PURG: variants seen among roughly 807,000 people sequenced by gnomAD.
PURG encodes purine-rich element-binding protein gamma.
Under a neutral mutation model 24.3 loss-of-function variants are expected in PURG, and 3 were observed. The ratio of observed to expected loss-of-function variants is 0.12; its 90% confidence interval spans 0.06 to 0.32. The LOEUF (loss-of-function observed/expected upper bound fraction) is 0.32. PURG is among the 10% of genes least tolerant of loss of function. PURG has a pLI of 1.00. For synonymous variants in PURG, 180 were observed against 173.1 expected (o/e 1.04, Z -0.31); for missense variants, 371 against 439.1 (o/e 0.84, Z 1.39).
chr8:31,001,266 G>A (rs1040668310), intron 1 of PURG, among the ~76,000 whole-genome samples: 2 of 152,062 alleles, frequency 1.3e-5, no homozygotes, highest in African/African-American at 4.8e-5. Context: ...GTCCTATATC[G>A]TTGACATAAA....
chr8:30,999,582 T>C (rs1050409040), intron 1 of PURG, among the ~76,000 whole-genome samples: 1 of 151,974 alleles, frequency 6.6e-6, no homozygotes, highest in Non-Finnish European at 1.5e-5. Flanking sequence ...GAATAATTAC[T>C]GGGAATTAGA....
At chr8:31,003,121 C>G (rs751700929) in intron 1 of PURG, among the ~76,000 whole-genome samples, 15 of 151,982 alleles carry the variant, frequency 9.9e-5, no homozygotes, top group Non-Finnish European at 1.9e-4. Context: ...AGGCCAAATT[C>G]TACACTAAAG....
At chr8:31,011,625 A>G (rs1337469908) in intron 1 of PURG, among the ~76,000 whole-genome samples, 1 of 152,226 alleles carries the variant, frequency 6.6e-6, no homozygotes, top group Non-Finnish European at 1.5e-5. Flanking sequence ...CAAACTGTCT[A>G]GCACATGGCA....
At chr8:31,009,132 CAG>C in intron 1 of PURG, among the ~76,000 whole-genome samples, 1 of 152,170 alleles carries the variant, frequency 6.6e-6, no homozygotes, top group South Asian at 2.1e-4. Context: ...AATACAGAAA[CAG>C]AATAATTCGG....
chr8:31,033,090 A>G lies in PURG; in HGVS notation c.-19T>C. ...GGCGGGCACTCACATCATCTCTGCC[A>G]TCACCGCCGCCGCCGATGCCCTTCA... On this transcript the variant is annotated 5_prime_UTR_variant, in exon 1 of 2. The change abolishes an upstream ATG in the 5' untranslated region. Coordinates refer to ENST00000523392, the MANE Select transcript of PURG (RefSeq NM_001323311.2). The G allele has an allele frequency of 4.8e-6, 1 of 207,994 alleles. No homozygotes were observed. Among genetic ancestry groups the G allele is most frequent in the Non-Finnish European group, 9.3e-6 (1 of 107,484 alleles). 12.9% of individuals were successfully genotyped at this position (207,994 alleles called of 1,614,324 possible).
At chr8:31,004,773 T>C (rs1242255497) in intron 1 of PURG, among the ~76,000 whole-genome samples, 1 of 152,244 alleles carries the variant, frequency 6.6e-6, no homozygotes, top group African/African-American at 2.4e-5. Context: ...CAGTCATAGG[T>C]TTACGGCTAT....
chr8:30,999,705 T>C (rs1040490212), intron 1 of PURG, among the ~76,000 whole-genome samples: 2 of 152,022 alleles, frequency 1.3e-5, no homozygotes, highest in African/African-American at 4.8e-5. Flanking sequence ...TGTAAATATA[T>C]ATACAGTTTT....
chr8:30,996,985 C>T (rs1467961905), intron 1 of PURG, among the ~76,000 whole-genome samples: 2 of 151,822 alleles, frequency 1.3e-5, no homozygotes, highest in Middle Eastern at 3.4e-3. Flanking sequence ...TACCTTGAAG[C>T]ATCTATGCAG....
intron 1 of PURG, among the ~76,000 whole-genome samples, chr8:31,007,481 G>C (rs1400721157): frequency 6.6e-6 from 1 of 152,106 alleles, no homozygotes; most frequent in African/African-American, 2.4e-5. Flanking sequence ...AACTCTTCGA[G>C]TTGAAGGATA....
intron 1 of PURG, among the ~76,000 whole-genome samples, chr8:31,003,181 A>C (rs1563303277): frequency 6.6e-6 from 1 of 152,228 alleles, no homozygotes; most frequent in African/African-American, 2.4e-5. Flanking sequence ...GAATTATCAG[A>C]ATGAAATATG....
intron 1 of PURG, among the ~76,000 whole-genome samples, chr8:31,013,863 G>A (rs1810807541): frequency 6.6e-6 from 1 of 152,152 alleles, no homozygotes. Context: ...AAACTTCTGT[G>A]ATTTTGGGGT....
Position 31,005,886 on chromosome 8 carries a change from G to A in PURG, c.865-9189C>T, listed in dbSNP as rs1361052157. Reference sequence around the variant, plus strand: ...TATGGAGGACACGGGTTTTATATCAGGGGCTACTAGTGGAGCAACAGGACA... The same window carrying A: ...TATGGAGGACACGGGTTTTATATCAAGGGCTACTAGTGGAGCAACAGGACA... On this transcript the variant is annotated intron_variant, in intron 1 of 1. Transcript: ENST00000339382. Among the ~76,000 whole-genome samples the A allele has an allele frequency of 6.6e-5, 10 of 151,698 alleles. No individual in the cohort carries two copies. The East Asian group carries it at 1.8e-3, about 27-fold the overall frequency.
chr8:31,016,334 C>T (rs752188401), intron 1 of PURG, among the ~76,000 whole-genome samples: 1 of 151,496 alleles, frequency 6.6e-6, no homozygotes, highest in Non-Finnish European at 1.5e-5. Context: ...GAGCTGAGAT[C>T]GCACCACTGC....
intron 1 of PURG, among the ~76,000 whole-genome samples, chr8:31,005,156 G>C (rs1194599971): frequency 1.3e-5 from 2 of 152,146 alleles, no homozygotes; most frequent in Admixed American, 1.3e-4. Flanking sequence ...ACGCAGACCA[G>C]GCATAGTGGC....
At chr8:31,033,019 C>T (rs945490119) in intron 1 of PURG, 59 bp downstream of exon 1, 27 of 180,556 alleles carry the variant, frequency 1.5e-4, no homozygotes, top group Non-Finnish European at 2.5e-4. Flanking sequence ...CGCTCCCGCA[C>T]GCCGCCGCCG....
chr8:31,002,361 T>TTTTTTTTTTTTTA (rs201870746), intron 1 of PURG, among the ~76,000 whole-genome samples: 1 of 152,316 alleles, frequency 6.6e-6, no homozygotes, highest in African/African-American at 2.4e-5. Context: ...TATTTTCTTT[T>TTTTTTTTTTTTTA]AAAAAAGGAT....
intron 1 of PURG, among the ~76,000 whole-genome samples, chr8:31,016,673 G>A (rs1188986068): frequency 6.9e-6 from 1 of 143,924 alleles, no homozygotes; most frequent in Non-Finnish European, 1.5e-5. Context: ...ACTTGTATCA[G>A]AATGAGTAAG....
intron 1 of PURG, among the ~76,000 whole-genome samples, chr8:31,021,481 C>G (rs955370905): frequency 6.6e-6 from 1 of 152,200 alleles, no homozygotes; most frequent in African/African-American, 2.4e-5. Context: ...TTAGCACCAA[C>G]TTTAACCAAT....
At chr8:31,028,644 C>T (rs1811132956), downstream of PURG, among the ~76,000 whole-genome samples, 1 of 151,780 alleles carries the variant, frequency 6.6e-6, no homozygotes, top group Non-Finnish European at 1.5e-5. Context: ...ACATGGCAGT[C>T]TGGGGCTTTA....
Sources: allele counts gnomAD v4.1 joint callset (sites outside exome capture counted in the v4.1 genomes callset), GRCh38; gene constraint gnomAD v4.1.1; transcripts MANE v1.5; gene names NCBI Gene and HGNC (gene_info 2026-07-23, HGNC 2026-07-21).